Variants in SLC61A1 observed in about 807,000 individuals in gnomAD.
SLC61A1 encodes the protein solute carrier family 61 member 1, also known as major facilitator superfamily domain containing 5.
the SLC61A1 span, chr12:53,252,324 AG>A: frequency 1.5e-6 from 2 of 1,356,438 alleles, no homozygotes; most frequent in Non-Finnish European, 1.9e-6. Context: ...GGCAGGGGCT[AG>A]GGGGCGCAGT....
At chr12:53,252,781 G>A in the SLC61A1 span, 3 of 1,598,536 alleles carry the variant, frequency 1.9e-6, no homozygotes, top group Non-Finnish European at 1.7e-6. Flanking sequence ...GCTGCCCGAA[G>A]GATGGATATG....
the SLC61A1 span, chr12:53,252,046 G>T: frequency 1.3e-6 from 2 of 1,486,020 alleles, no homozygotes; most frequent in African/African-American, 2.8e-5. Context: ...GTAAGGGAAG[G>T]AGGGCGGGCG....
chr12:53,253,778 C>T, the SLC61A1 span: 4 of 1,614,236 alleles, frequency 2.5e-6, no homozygotes, highest in Non-Finnish European at 3.4e-6. Context: ...CATGCACCTG[C>T]TGTCCCTTGC....
the SLC61A1 span, chr12:53,253,156 T>C: frequency 1.2e-6 from 2 of 1,614,146 alleles, no homozygotes; most frequent in South Asian, 2.2e-5. Flanking sequence ...GCAAGAATTC[T>C]TGTGTCCTCT....
At chr12:53,253,876 T>G in the SLC61A1 span, 4 of 1,614,192 alleles carry the variant, frequency 2.5e-6, no homozygotes, top group Admixed American at 1.7e-5. Context: ...TCATAGCCTT[T>G]CTACTTATTG....
the SLC61A1 span, chr12:53,251,652 TAGTC>T: frequency 1.3e-5 from 18 of 1,389,150 alleles, no homozygotes; most frequent in Non-Finnish European, 1.6e-5. Context: ...GACTGCGCCT[TAGTC>T]TGTCTGCAGC....
At chr12:53,252,217 G>C in the SLC61A1 span, 1 of 1,415,306 alleles carries the variant, frequency 7.1e-7, no homozygotes, top group Non-Finnish European at 9.1e-7. Flanking sequence ...AGGGTGGCCT[G>C]GCGGCCTGGA....
the SLC61A1 span, chr12:53,252,818 G>A: frequency 3.1e-6 from 5 of 1,612,890 alleles, no homozygotes; most frequent in East Asian, 1.1e-4. Context: ...CTCTTCCCAG[G>A]TCGTCCGGGG....
At chr12:53,253,571 G>C in the SLC61A1 span, 1 of 1,613,962 alleles carries the variant, frequency 6.2e-7, no homozygotes, top group Non-Finnish European at 8.5e-7. Flanking sequence ...CCTCCTGTCG[G>C]ACCGCCGCGT....
the SLC61A1 span, chr12:53,253,834 C>A: frequency 6.2e-7 from 1 of 1,614,224 alleles, no homozygotes; most frequent in African/African-American, 1.3e-5. Flanking sequence ...CTTTCTCTAC[C>A]AGCCCAGGCC....
the SLC61A1 span, chr12:53,253,435 T>G: frequency 6.2e-7 from 1 of 1,614,126 alleles, no homozygotes; most frequent in East Asian, 2.2e-5. Context: ...GGCTGGGGCC[T>G]GTAGCGCCCT....
At chr12:53,252,944 T>A in the SLC61A1 span, 1 of 1,614,206 alleles carries the variant, frequency 6.2e-7, no homozygotes, top group Non-Finnish European at 8.5e-7. Flanking sequence ...CAGCAATCCC[T>A]CCTTCCTTCG....
the SLC61A1 span, chr12:53,254,197 C>T: frequency 6.2e-7 from 1 of 1,611,392 alleles, no homozygotes; most frequent in East Asian, 2.2e-5. Flanking sequence ...AACCCCACTC[C>T]AGGACAAGAT....
chr12:53,252,288 A>T, the SLC61A1 span: 1 of 1,390,668 alleles, frequency 7.2e-7, no homozygotes, highest in Non-Finnish European at 9.2e-7. Flanking sequence ...AGTCTGGGCG[A>T]GGTGCAAGTG....
chr12:53,252,531 A>G, the SLC61A1 span: 1 of 1,369,786 alleles, frequency 7.3e-7, no homozygotes, highest in South Asian at 1.7e-5. Flanking sequence ...GGGCAGTAGA[A>G]TTTGCGGGAG....
the SLC61A1 span, chr12:53,253,048 C>T: frequency 1.9e-6 from 3 of 1,614,254 alleles, no homozygotes; most frequent in Non-Finnish European, 2.5e-6. Flanking sequence ...AGCATTACTA[C>T]TTCCTGGAAG....
chr12:53,253,494 G>A, the SLC61A1 span: 57 of 1,614,012 alleles, frequency 3.5e-5, no homozygotes, highest in Non-Finnish European at 4.2e-5. Context: ...TTGGCCCTTC[G>A]AAACTGGGGG....
the SLC61A1 span, chr12:53,252,698 G>T: frequency 3.8e-6 from 5 of 1,300,910 alleles, no homozygotes; most frequent in Non-Finnish European, 5.2e-6. Flanking sequence ...CCTCCGGTCT[G>T]AGATCTTGGG....
At chr12:53,252,897 T>C in the SLC61A1 span, 1 of 1,614,194 alleles carries the variant, frequency 6.2e-7, no homozygotes, top group Non-Finnish European at 8.5e-7. Context: ...GGGCTGGAAC[T>C]GTCAAGATGC....
Sources: gnomAD v4.1 joint callset for allele counts on GRCh38, gnomAD v4.1.1 for gene constraint, MANE v1.5 for transcripts, NCBI Gene and HGNC (gene_info 2026-07-23, HGNC 2026-07-21) for gene names.